POU5F1: variants seen among roughly 807,000 people sequenced by gnomAD.
POU5F1 encodes POU domain, class 5, transcription factor 1.
A neutral mutation model predicts 38.3 loss-of-function variants in POU5F1; 6 were observed. That is an observed-to-expected ratio of 0.16 (90% confidence interval 0.09 to 0.31). The LOEUF (loss-of-function observed/expected upper bound fraction) is 0.31. Ranked by LOEUF, POU5F1 falls within the 10% of genes least tolerant of loss-of-function variation. The pLI, the probability that POU5F1 is intolerant of heterozygous loss-of-function variation, is 1.00. For synonymous variants in POU5F1, 147 were observed against 194.9 expected, an observed-to-expected ratio of 0.75 and a Z score of 2.05; for missense variants, 286 against 462.6, an observed-to-expected ratio of 0.62 and a Z score of 3.50.
In POU5F1 at chr6:31,170,305, T is replaced by C; in HGVS notation, c.316A>G (p.Asn106Asp). 1 of 1,612,782 alleles carries C rather than the reference T, an allele frequency of 6.2e-7. No individual in the cohort carries two copies. Among genetic ancestry groups the C allele is most frequent in the East Asian group, 2.2e-5 (1 of 44,876 alleles). The change falls in exon 1 of 5, where the codon AAC becomes GAC. Residue 106 changes from asparagine to aspartate, a missense_variant. By Grantham distance (23) the Asn-to-Asp change is conservative (BLOSUM62 1). This residue lies in a region of POU5F1 where 176 missense variants were observed against 184.8 expected (regional missense o/e 0.95). Transcript: ENST00000259915. ...EGEAGVGVES[N>D]SDGASPEPCT... ...GGCTCCGGGGAGGCCCCATCGGAGT[T>C]GCTCTCCACCCCGACTCCTGCTTCG...
At position 31,164,397 on chromosome 6, in the gene POU5F1, G is replaced by A. The variant is rs1265122857; in HGVS notation, c.*204C>T. Reference sequence around the variant, plus strand: ...ATTTAAGAAAAAAGTGATACATGATGTGGGATTAAAATCAAGAGCATCATT... The same window carrying A: ...ATTTAAGAAAAAAGTGATACATGATATGGGATTAAAATCAAGAGCATCATT... On this transcript the variant is annotated 3_prime_UTR_variant, in exon 5 of 5. Transcript: ENST00000259915. 7 of 1,103,736 alleles carry A rather than the reference G, an allele frequency of 6.3e-6. No homozygotes were observed. Among genetic ancestry groups the A allele is most frequent in the South Asian group, 3.3e-5 (2 of 59,922 alleles). The allele number at this position is 1,103,736 out of a possible 1,614,324, so 68.4% of individuals were successfully genotyped here. A position where few individuals can be genotyped will look rare whatever the true frequency, so the allele number is the denominator to read the frequency against.
At chr6:31,169,851 C>T in intron 1 of POU5F1, 2 of 379,694 alleles carry the variant, frequency 5.3e-6, no homozygotes, top group South Asian at 8.7e-5. Context: ...CAAACCAACC[C>T]CAAGCTGGGT....
chr6:31,166,090 C>T, intron 1 of POU5F1, 43 bp from the exon 2 acceptor site: 1 of 1,614,222 alleles, frequency 6.2e-7, no homozygotes, highest in Non-Finnish European at 8.5e-7. Flanking sequence ...CATAAACACA[C>T]CAGTTATCAA....
chr6:31,165,447 G>A lies in POU5F1; in HGVS notation c.657+124C>T. 6.3e-7 allele frequency: 1 copy of A among 1,578,192 alleles called. No individual in the cohort carries two copies. Among genetic ancestry groups the A allele is most frequent in the Non-Finnish European group, 8.6e-7 (1 of 1,160,680 alleles). The stretch of plus-strand genomic sequence containing the variant: ...TGGACCTTATCCCAGCAGAACTGAG[G>A]AATTTCACTCCATCCCACTGAGAAC... On this transcript the variant is annotated intron_variant, in intron 3 of 4. Coordinates refer to ENST00000259915, the MANE Select transcript of POU5F1 (RefSeq NM_002701.6). The surrounding 1 kb of genome is among the most constrained non-coding windows in gnomAD (Gnocchi z 6.5).
Position 31,164,547 on chromosome 6 carries a change from C to A in POU5F1, c.*54G>T. 6.3e-7 allele frequency: 1 copy of A among 1,582,162 alleles called. No individual in the cohort carries two copies. On this transcript the variant is annotated 3_prime_UTR_variant, in exon 5 of 5. Coordinates refer to ENST00000259915, the MANE Select transcript of POU5F1 (RefSeq NM_002701.6). Reference sequence around the variant, plus strand: ...AACCCTGGCACAAACTCCAGGTTTTCTTTCCCTAGCTCCTCCCCTCCCCCT... The same window carrying A: ...AACCCTGGCACAAACTCCAGGTTTTATTTCCCTAGCTCCTCCCCTCCCCCT...
chr6:31,165,625 C>T lies in POU5F1; in HGVS notation c.603G>A (p.Arg201=). ...QLSFKNMCKL[R]PLLQKWVEEA... ...CCTCCACCCACTTCTGCAGCAAGGGCCGCAGCTTACACATGTTCTTGAAGC... is the reference window on the plus strand; with the variant it reads ...CCTCCACCCACTTCTGCAGCAAGGGTCGCAGCTTACACATGTTCTTGAAGC... Residue 201 remains arginine (R), a synonymous_variant, in exon 3 of 5, where the codon CGG becomes CGA. Coordinates refer to ENST00000259915, the MANE Select transcript of POU5F1 (RefSeq NM_002701.6). The surrounding 1 kb of genome is among the most constrained non-coding windows in gnomAD (Gnocchi z 6.5). The T allele has an allele frequency of 6.2e-7, 1 of 1,614,158 alleles. No individual in the cohort carries two copies. Among genetic ancestry groups the T allele is most frequent in the Non-Finnish European group, 8.5e-7 (1 of 1,180,022 alleles).
chr6:31,165,754 T>A lies in POU5F1; in HGVS notation c.527-53A>T. ...AAAGTGAGGGAGCACGCAGGGCCCTTGTGACCCTGAGATCCAAGCTTACCA... is the reference window on the plus strand; with the variant it reads ...AAAGTGAGGGAGCACGCAGGGCCCTAGTGACCCTGAGATCCAAGCTTACCA... On this transcript the variant is annotated intron_variant, in intron 2 of 4. Transcript: ENST00000259915. This position sits in a 1 kb window ranked among gnomAD's most constrained non-coding sequence, Gnocchi z 6.5. The A allele has an allele frequency of 3.8e-6, 6 of 1,578,148 alleles. No individual in the cohort carries two copies. Among genetic ancestry groups the A allele is most frequent in the Non-Finnish European group, 5.2e-6 (6 of 1,160,822 alleles).
At chr6:31,168,981 A>G (rs1777481347) in intron 1 of POU5F1, among the ~76,000 whole-genome samples, 1 of 152,172 alleles carries the variant, frequency 6.6e-6, no homozygotes, top group South Asian at 2.1e-4. Flanking sequence ...GATCATATCA[A>G]TTTCAAATAG....
chr6:31,165,622 G>C lies in POU5F1; in HGVS notation c.606C>G (p.Pro202=). ...CTTCCTCCACCCACTTCTGCAGCAA[G>C]GGCCGCAGCTTACACATGTTCTTGA... ...LSFKNMCKLR[P]LLQKWVEEAD... The change falls in exon 3 of 5, where the codon CCC becomes CCG. Residue 202 remains proline (P), a synonymous_variant. Coordinates refer to ENST00000259915, the MANE Select transcript of POU5F1 (RefSeq NM_002701.6). This position sits in a 1 kb window ranked among gnomAD's most constrained non-coding sequence, Gnocchi z 6.5. The C allele has an allele frequency of 6.2e-7, 1 of 1,614,168 alleles. No homozygotes were observed. Among genetic ancestry groups the C allele is most frequent in the Non-Finnish European group, 8.5e-7 (1 of 1,180,022 alleles).
intron 1 of POU5F1, among the ~76,000 whole-genome samples, chr6:31,168,366 G>C (rs1255756330): frequency 6.6e-6 from 1 of 151,896 alleles, no homozygotes; most frequent in Non-Finnish European, 1.5e-5. Flanking sequence ...TTCCTGAGTA[G>C]CTGAGATTAC....
In POU5F1 at chr6:31,164,570, C is replaced by T. The variant is rs748680648; in HGVS notation, c.*31G>A. On this transcript the variant is annotated 3_prime_UTR_variant, in exon 5 of 5. Coordinates refer to ENST00000259915, the MANE Select transcript of POU5F1 (RefSeq NM_002701.6). ...TTCTTTCCCTAGCTCCTCCCCTCCCCCTGTCCCCCATTCCTAGAAGGGCAG... is the reference window on the plus strand; with the variant it reads ...TTCTTTCCCTAGCTCCTCCCCTCCCTCTGTCCCCCATTCCTAGAAGGGCAG... 6.3e-7 allele frequency: 1 copy of T among 1,585,238 alleles called. No homozygotes were observed. Among genetic ancestry groups the T allele is most frequent in the South Asian group, 1.1e-5 (1 of 87,014 alleles).
chr6:31,167,658 A>G (rs1438599352), intron 1 of POU5F1, among the ~76,000 whole-genome samples: 3 of 151,930 alleles, frequency 2.0e-5, no homozygotes, highest in East Asian at 1.9e-4. Flanking sequence ...CAGTGAGCCA[A>G]GATCGCACCA....
intron 1 of POU5F1, chr6:31,166,332 C>A (rs561385932): frequency 7.2e-7 from 1 of 1,382,656 alleles, no homozygotes; most frequent in Non-Finnish European, 9.3e-7. Flanking sequence ...GAAAGAGAGA[C>A]CCTGGCCTCG....
chr6:31,167,957 CA>C (rs200320715), intron 1 of POU5F1, among the ~76,000 whole-genome samples: 1 of 151,038 alleles, frequency 6.6e-6, no homozygotes, highest in Non-Finnish European at 1.5e-5. Context: ...TTTTTCTCCC[CA>C]CCAAGACGGA....
rs570339883 is a variant in POU5F1, at chr6:31,169,983, G to A, written c.405+233C>T. ...GGCCAGCTTCCGACTCTCCCAGGCT[G>A]CTCTGCCCTCACCGGCAGTTGTCTC... On this transcript the variant is annotated intron_variant, in intron 1 of 4. Coordinates refer to ENST00000259915, the MANE Select transcript of POU5F1 (RefSeq NM_002701.6). 6 of 662,344 alleles carry A rather than the reference G, an allele frequency of 9.1e-6. No individual in the cohort carries two copies. The Admixed American group carries it at 1.7e-4, about 19-fold the overall frequency. 41.0% of individuals were successfully genotyped at this position (662,344 alleles called of 1,614,324 possible). A position where few individuals can be genotyped will look rare whatever the true frequency, so the allele number is the denominator to read the frequency against.
At chr6:31,168,732 G>A (rs1028941763) in intron 1 of POU5F1, among the ~76,000 whole-genome samples, 4 of 152,158 alleles carry the variant, frequency 2.6e-5, no homozygotes, top group African/African-American at 9.7e-5. Context: ...GATCAGGGTG[G>A]AGCAGTTCAG....
intron 1 of POU5F1, among the ~76,000 whole-genome samples, chr6:31,168,741 A>G (rs1460700050): frequency 1.3e-5 from 2 of 152,196 alleles, no homozygotes; most frequent in Non-Finnish European, 2.9e-5. Context: ...GGAGCAGTTC[A>G]GGGAGCCATC....
intron 1 of POU5F1, chr6:31,170,014 A>C: frequency 1.3e-6 from 1 of 795,922 alleles, no homozygotes; most frequent in Non-Finnish European, 2.0e-6. Flanking sequence ...GTCTCTTCGA[A>C]ATCCAGCTTC....
In POU5F1 at chr6:31,165,916, G is replaced by A. The variant is rs368865757; in HGVS notation, c.526+11C>T. The A allele has an allele frequency of 8.1e-5, 131 of 1,613,886 alleles. No homozygotes were observed. Among genetic ancestry groups the A allele is most frequent in the Non-Finnish European group, 1.1e-4 (125 of 1,179,992 alleles). On this transcript the variant is annotated intron_variant, in intron 2 of 4. Transcript: ENST00000259915. This position sits in a 1 kb window ranked among gnomAD's most constrained non-coding sequence, Gnocchi z 6.5. ...GGGAGATGCGGTCAGAATCTGCAGA[G>A]GGGAACCCACCAAATAGAACCCCCA...
Sources: gnomAD v4.1 joint callset for allele counts (sites outside exome capture counted in the v4.1 genomes callset) on GRCh38, gnomAD v4.1.1 for gene constraint, gnomAD v4.1.1 regional missense constraint, Gnocchi (gnomAD v3.1) non-coding constraint, MANE v1.5 for transcripts, NCBI Gene and HGNC (gene_info 2026-07-23, HGNC 2026-07-21) for gene names.